KCNN1: variants seen among roughly 807,000 people sequenced by gnomAD.
The protein encoded by KCNN1 is potassium calcium-activated channel subfamily N member 1.
KCNN1 carries 20 observed loss-of-function variants against 44.7 expected under a neutral mutation model. The ratio of observed to expected loss-of-function variants is 0.45; its 90% CI spans 0.32 to 0.65. The LOEUF is 0.65. Ranked by LOEUF, KCNN1 falls within the 30% of genes least tolerant of loss-of-function variation. KCNN1 has a pLI of 0.05. For synonymous variants in KCNN1, 324 were observed against 341.7 expected (o/e 0.95, Z 0.57); for missense variants, 632 against 785.3 (o/e 0.80, Z 2.33).
In KCNN1 at chr19:17,998,018, C is replaced by T. The variant is rs1421586897; in HGVS notation, c.1378-134C>T. 1.0e-6 allele frequency: 1 copy of T among 987,822 alleles called. No individual in the cohort carries two copies. 61.2% of individuals were successfully genotyped at this position (987,822 alleles called of 1,614,324 possible). ...TGGGGGTATCCTCCCAGCCACCCCTCACACGGGCCCCATTAGTGGCTGGCA... is the reference window on the plus strand; with the variant it reads ...TGGGGGTATCCTCCCAGCCACCCCTTACACGGGCCCCATTAGTGGCTGGCA... On this transcript the variant is annotated intron_variant, in intron 9 of 9. Coordinates refer to ENST00000684775, the MANE Select transcript of KCNN1 (RefSeq NM_001386974.1). The surrounding 1 kb of genome is among the most constrained non-coding windows in gnomAD (Gnocchi z 5.4).
chr19:17,984,860 G>A (rs956888400), intron 4 of KCNN1, among the ~76,000 whole-genome samples: 16 of 152,038 alleles, frequency 1.1e-4, no homozygotes, highest in Non-Finnish European at 2.4e-4. Flanking sequence ...CTATATGGAC[G>A]TCCCTTCTTC....
intron 3 of KCNN1, among the ~76,000 whole-genome samples, chr19:17,977,548 C>T (rs1184863314): frequency 1.3e-5 from 2 of 151,946 alleles, no homozygotes; most frequent in Non-Finnish European, 2.9e-5. Context: ...GGGGGTCTTA[C>T]CATGTTGGCC....
At chr19:17,996,377 G>A (rs2032994337) in intron 9 of KCNN1, among the ~76,000 whole-genome samples, 1 of 152,000 alleles carries the variant, frequency 6.6e-6, no homozygotes, top group Admixed American at 6.6e-5. Flanking sequence ...AGGCAAAGGT[G>A]GGCGGATCAC....
chr19:17,962,193 G>T (rs1231844035), upstream of KCNN1, among the ~76,000 whole-genome samples: 1 of 152,182 alleles, frequency 6.6e-6, no homozygotes, highest in Non-Finnish European at 1.5e-5. Flanking sequence ...GGGTGGGGCC[G>T]CTGGTGGGCA....
At chr19:17,989,411 T>G (rs1489788518) in intron 6 of KCNN1, among the ~76,000 whole-genome samples, 1 of 152,108 alleles carries the variant, frequency 6.6e-6, no homozygotes, top group Non-Finnish European at 1.5e-5. Flanking sequence ...TGAGGCAAGA[T>G]CATGCCACTG....
chr19:17,953,637 G>A (rs146556647), intron 1 of KCNN1, among the ~76,000 whole-genome samples: 1 of 152,344 alleles, frequency 6.6e-6, no homozygotes, highest in East Asian at 1.9e-4. Flanking sequence ...CTTCAGAGCT[G>A]GGGAGCAAGA....
Position 17,981,791 on chromosome 19 carries a change from C to T in KCNN1, c.581C>T (p.Ala194Val). 8 of 1,613,014 alleles carry T rather than the reference C, an allele frequency of 5.0e-6. No individual in the cohort carries two copies. The highest frequency in any genetic ancestry group is 5.9e-6 in the Non-Finnish European group (7 of 1,179,370). ...ERVFLISLELAVCAIHPVPGH... is the reference protein window; with the variant it reads ...ERVFLISLELVVCAIHPVPGH... ...GTGTTCCTCATCTCGCTAGAGCTGG[C>T]AGTGTGCGCCATTCACCCGGTGCCC... Residue 194 changes from alanine (A) to valine (V), a missense_variant, in exon 4 of 10, where the codon GCA becomes GTA. Ala to Val is a moderately conservative substitution (Grantham distance 64). Transcript: ENST00000684775.
At chr19:17,978,133 T>G (rs559387278) in intron 3 of KCNN1, among the ~76,000 whole-genome samples, 10 of 151,024 alleles carry the variant, frequency 6.6e-5, no homozygotes, top group Non-Finnish European at 8.9e-5. Flanking sequence ...CTTGTTTTTT[T>G]TTTTTTTTTT....
chr19:17,964,809 C>T (rs148520798), upstream of KCNN1, among the ~76,000 whole-genome samples: 32 of 152,214 alleles, frequency 2.1e-4, no homozygotes, highest in African/African-American at 7.0e-4. This position sits in a 1 kb window ranked among gnomAD's most constrained non-coding sequence, Gnocchi z 4.3. Context: ...GGGCAGTCCC[C>T]GATCCCTCAG....
intron 2 of KCNN1, among the ~76,000 whole-genome samples, chr19:17,959,415 G>T (rs2031627073): frequency 6.6e-6 from 1 of 151,070 alleles, no homozygotes; most frequent in African/African-American, 2.4e-5. Flanking sequence ...CTGCCACCAC[G>T]CCTGGCTAAT....
rs2032418203 is a variant in KCNN1, at chr19:17,981,764, G to A, written c.554G>A (p.Arg185His). The stretch of plus-strand genomic sequence containing the variant: ...TGGCGCATCGCCATGACCTGCGAGC[G>A]CGTGTTCCTCATCTCGCTAGAGCTG... ...DDWRIAMTCE[R>H]VFLISLELAV... The change falls in exon 4 of 10, where the codon CGC (arginine) becomes CAC (histidine). Residue 185 changes from arginine to histidine, a missense_variant. By Grantham distance (29) the Arg-to-His change is conservative (BLOSUM62 0). This residue lies in a region of KCNN1 where 160 missense variants were observed against 308.3 expected (regional missense o/e 0.52). Transcript: ENST00000684775. The A allele has an allele frequency of 1.2e-6, 2 of 1,610,250 alleles. No individual in the cohort carries two copies. The highest frequency in any genetic ancestry group is 1.7e-6 in the Non-Finnish European group (2 of 1,177,328).
chr19:17,995,283 C>A (rs2032944956), intron 9 of KCNN1, among the ~76,000 whole-genome samples: 1 of 151,852 alleles, frequency 6.6e-6, no homozygotes, highest in Non-Finnish European at 1.5e-5. Context: ...AAGCAATCCC[C>A]CCAACTCATC....
intron 7 of KCNN1, among the ~76,000 whole-genome samples, chr19:17,992,163 A>C (rs1482726858): frequency 6.6e-6 from 1 of 151,774 alleles, no homozygotes; most frequent in Non-Finnish European, 1.5e-5. Context: ...TCTACTAAAA[A>C]TACAAAAAAA....
intron 9 of KCNN1, among the ~76,000 whole-genome samples, chr19:17,996,562 T>C (rs1415188265): frequency 1.3e-5 from 2 of 152,120 alleles, no homozygotes; most frequent in African/African-American, 2.4e-5. Context: ...GCCGAGATCA[T>C]GCCTCTGCAC....
chr19:17,983,800 C>A lies in KCNN1; in HGVS notation c.918-1512C>A, dbSNP rs548365297. Among the ~76,000 whole-genome samples, 5 of 149,498 alleles carry A rather than the reference C, an allele frequency of 3.3e-5. No homozygotes were observed. The highest frequency in any genetic ancestry group is 3.1e-4 in the Admixed American group (4 of 13,004). ...TCACCCACCCACCGACTAGAGGGCACCCCCCCGCCCCTCCTGCCCTCTGGG... is the reference window on the plus strand; with the variant it reads ...TCACCCACCCACCGACTAGAGGGCAACCCCCCGCCCCTCCTGCCCTCTGGG... On this transcript the variant is annotated intron_variant, in intron 4 of 9. Transcript: ENST00000684775. The surrounding 1 kb of genome is among the most constrained non-coding windows in gnomAD (Gnocchi z 4.5).
At chr19:17,954,540 C>G (rs1290291848) in intron 1 of KCNN1, 2 of 152,692 alleles carry the variant, frequency 1.3e-5, no homozygotes, top group African/African-American at 4.8e-5. Flanking sequence ...CCACCCCGCA[C>G]CCCCTGTCTG....
intron 9 of KCNN1, among the ~76,000 whole-genome samples, chr19:17,996,594 G>A (rs1568461802): frequency 6.6e-6 from 1 of 152,176 alleles, no homozygotes; most frequent in African/African-American, 2.4e-5. Context: ...CAACAAGAGC[G>A]AGACTTCGTC....
At chr19:17,992,412 C>T (rs1450687800) in intron 7 of KCNN1, among the ~76,000 whole-genome samples, 1 of 152,058 alleles carries the variant, frequency 6.6e-6, no homozygotes, top group African/African-American at 2.4e-5. Flanking sequence ...CCAGCCTGAC[C>T]AACATGGTGA....
upstream of KCNN1, among the ~76,000 whole-genome samples, chr19:17,963,675 C>T (rs941163204): frequency 1.3e-5 from 2 of 151,790 alleles, no homozygotes; most frequent in East Asian, 1.9e-4. Flanking sequence ...TCCCTGTCCT[C>T]GTTCTTAGTT....
Sources: gnomAD v4.1 joint callset for allele counts (sites outside exome capture counted in the v4.1 genomes callset) on GRCh38, gnomAD v4.1.1 for gene constraint, gnomAD v4.1.1 regional missense constraint, Gnocchi (gnomAD v3.1) non-coding constraint, MANE v1.5 for transcripts, NCBI Gene and HGNC (gene_info 2026-07-23, HGNC 2026-07-21) for gene names.